The following TRPC5 variants were observed in gnomAD, a reference collection of about 807,000 sequenced individuals.
TRPC5 encodes the protein transient receptor potential cation channel subfamily C member 5, also known as short transient receptor potential channel 5.
Under a neutral mutation model 56.5 loss-of-function variants are expected in TRPC5, and 9 were observed. The ratio of observed to expected loss-of-function variants is 0.16; its 90% CI spans 0.10 to 0.28. TRPC5 has a LOEUF of 0.28. Among genes scored for constraint, TRPC5 ranks in the 10% least tolerant of loss-of-function variants. The probability of loss-of-function intolerance (pLI) is 1.00; values close to 1 mark genes in which losing one functional copy is unlikely to be tolerated. For missense variants in TRPC5, 469 were observed against 748.9 expected (o/e 0.63, Z 4.36); for synonymous variants, 282 against 278.5 (o/e 1.01, Z -0.13).
intron 1 of TRPC5, among the ~76,000 whole-genome samples, chrX:111,997,534 C>T (rs938910668): frequency 3.6e-5 from 4 of 110,922 alleles, no homozygotes; most frequent in Admixed American, 9.7e-5. Context: ...GAATGTTGGC[C>T]GGCCTTGCTA....
At chrX:111,999,701 C>T (rs371445370) in intron 1 of TRPC5, among the ~76,000 whole-genome samples, 34 of 112,185 alleles carry the variant, frequency 3.0e-4, no homozygotes, top group African/African-American at 9.7e-4. Context: ...CACGGTGGCT[C>T]ACGCCTGTAA....
intron 7 of TRPC5, among the ~76,000 whole-genome samples, chrX:111,785,879 G>A (rs371003760): frequency 6.3e-5 from 7 of 111,703 alleles, no homozygotes; most frequent in African/African-American, 2.3e-4. Flanking sequence ...AGAGTAAAAA[G>A]AAATGAACAA....
chrX:111,917,814 C>T (rs759211412), intron 2 of TRPC5, among the ~76,000 whole-genome samples: 2 of 112,715 alleles, frequency 1.8e-5, no homozygotes, highest in African/African-American at 6.4e-5. Context: ...ACTCAGGAGG[C>T]CTGCCTCAGG....
At chrX:111,960,608 A>G (rs1189086041) in intron 1 of TRPC5, among the ~76,000 whole-genome samples, 2 of 111,131 alleles carry the variant, frequency 1.8e-5, no homozygotes, top group African/African-American at 6.5e-5. Context: ...TAATTCGTTA[A>G]AAGTCTTGCA....
chrX:111,919,477 G>A (rs1443940902), intron 2 of TRPC5, among the ~76,000 whole-genome samples: 4 of 111,939 alleles, frequency 3.6e-5, no homozygotes, highest in African/African-American at 1.3e-4. Context: ...AAAGCTCCAC[G>A]GCTCCATTAT....
intron 1 of TRPC5, among the ~76,000 whole-genome samples, chrX:112,019,625 T>C (rs1007864306): frequency 9.9e-5 from 11 of 111,222 alleles, no homozygotes; most frequent in South Asian, 7.7e-4. Context: ...TTAGTAGAGA[T>C]GGGATTTCAC....
At chrX:111,907,201 C>T (rs745797948) in intron 3 of TRPC5, among the ~76,000 whole-genome samples, 98 of 110,199 alleles carry the variant, frequency 8.9e-4, no homozygotes, top group African/African-American at 3.2e-3. Flanking sequence ...CCACTAGATC[C>T]TGGGGTGTGA....
At chrX:111,811,850 C>G (rs1250335263) in intron 7 of TRPC5, among the ~76,000 whole-genome samples, 1 of 111,531 alleles carries the variant, frequency 9.0e-6, no homozygotes, top group Non-Finnish European at 1.9e-5. Flanking sequence ...CAGGAACAAA[C>G]CTTGAGTTCT....
chrX:111,912,753 G>C lies in TRPC5; in HGVS notation c.438C>G (p.Ile146Met), dbSNP rs1224147604. 2.5e-6 allele frequency: 3 copies of C among 1,205,811 alleles called. No homozygotes were observed. The South Asian group carries it at 5.3e-5, about 21-fold the overall frequency. ...FSEFTPDITP[I>M]MLAAHTNNYE... is the part of the protein sequence containing the mutation. ...AGTTGTTGGTGTGGGCAGCCAGCAT[G>C]ATGGGAGTGATGTCCGGTGTGAATT... The change falls in exon 3 of 11, where the codon ATC becomes ATG. Residue 146 changes from isoleucine (I) to methionine (M), a missense_variant. This residue lies in a region of TRPC5 where 118 missense variants were observed against 167.1 expected (regional missense o/e 0.71). Transcript: ENST00000262839.
chrX:111,834,831 A>G, intron 7 of TRPC5, 90 bp downstream of exon 7: 1 of 668,334 alleles, frequency 1.5e-6, no homozygotes. Flanking sequence ...AGGCAGACGA[A>G]CTCTTTCATT....
chrX:111,781,701 A>T (rs775514440), intron 8 of TRPC5, among the ~76,000 whole-genome samples: 3 of 108,849 alleles, frequency 2.8e-5, no homozygotes, highest in African/African-American at 3.4e-5. Context: ...TCCAGCCTGG[A>T]TGACAGAGCG....
chrX:111,783,065 C>T (rs1945933624), intron 7 of TRPC5, among the ~76,000 whole-genome samples: 1 of 111,830 alleles, frequency 8.9e-6, no homozygotes, highest in Non-Finnish European at 1.9e-5. Context: ...AGTAGGTAAC[C>T]TTTTAAGATT....
intron 7 of TRPC5, among the ~76,000 whole-genome samples, chrX:111,807,300 T>C (rs1921545995): frequency 8.9e-6 from 1 of 111,920 alleles, no homozygotes; most frequent in African/African-American, 3.2e-5. Context: ...AAATAGCCTG[T>C]CTTCAAGCTT....
chrX:111,800,618 G>A (rs1921274641), intron 7 of TRPC5, among the ~76,000 whole-genome samples: 2 of 110,353 alleles, frequency 1.8e-5, no homozygotes, highest in Admixed American at 1.9e-4. Context: ...TGCTTTTGTG[G>A]TGGTGCATGC....
intron 1 of TRPC5, among the ~76,000 whole-genome samples, chrX:111,958,852 T>C (rs1300142258): frequency 8.9e-6 from 1 of 112,258 alleles, no homozygotes; most frequent in Non-Finnish European, 1.9e-5. Flanking sequence ...TCAATAAAAT[T>C]AACATCCAAT....
chrX:111,859,766 A>T (rs1923340750), intron 3 of TRPC5, among the ~76,000 whole-genome samples: 1 of 112,306 alleles, frequency 8.9e-6, no homozygotes, highest in Non-Finnish European at 1.9e-5. Context: ...AAAGGAGAGC[A>T]CACCATTGCA....
intron 1 of TRPC5, among the ~76,000 whole-genome samples, chrX:112,010,457 T>A (rs1161620036): frequency 9.0e-6 from 1 of 111,610 alleles, no homozygotes; most frequent in Admixed American, 9.5e-5. Context: ...TGTGTGAACA[T>A]CATAGTGTGT....
At chrX:112,044,197 CTGT>C in intron 1 of TRPC5, among the ~76,000 whole-genome samples, 1 of 111,339 alleles carries the variant, frequency 9.0e-6, no homozygotes, top group East Asian at 2.8e-4. Flanking sequence ...TTACTGCCAC[CTGT>C]TGTTTGTGTA....
chrX:111,874,243 AT>A (rs1455585952), intron 3 of TRPC5, among the ~76,000 whole-genome samples: 1 of 112,407 alleles, frequency 8.9e-6, no homozygotes, highest in Non-Finnish European at 1.9e-5. Context: ...ACAAAATCAG[AT>A]TCCTGTTCTA....
Sources: allele counts gnomAD v4.1 joint callset (sites outside exome capture counted in the v4.1 genomes callset), GRCh38; gene constraint gnomAD v4.1.1; regional missense constraint gnomAD v4.1.1; transcripts MANE v1.5; gene names NCBI Gene and HGNC (gene_info 2026-07-23, HGNC 2026-07-21).